WWOX: variants seen among roughly 807,000 people sequenced by gnomAD.
WWOX encodes WW domain-containing oxidoreductase.
WWOX carries 69 observed loss-of-function variants against 46.2 expected under a neutral mutation model. The ratio of observed to expected loss-of-function variants is 1.49; its 90% confidence interval spans 1.23 to 1.82. The LOEUF (loss-of-function observed/expected upper bound fraction) is 1.82, where lower values mean the gene tolerates loss of function less well. WWOX is among the 40% of genes most tolerant of loss of function. The pLI, the probability that WWOX is intolerant of heterozygous loss-of-function variation, is 0.00. For missense variants in WWOX, 919 were observed against 542.6 expected, an observed-to-expected ratio of 1.69 and a Z score of -6.89; for synonymous variants, 359 against 202.6, an observed-to-expected ratio of 1.77 and a Z score of -6.56.
At chr16:78,771,914 A>G (rs2050074287) in intron 8 of WWOX, among the ~76,000 whole-genome samples, 2 of 152,234 alleles carry the variant, frequency 1.3e-5, no homozygotes, top group African/African-American at 2.4e-5. Context: ...ACATTGTACT[A>G]CAATAAAAAC....
chr16:78,157,344 G>T (rs1246909213), intron 4 of WWOX, among the ~76,000 whole-genome samples: 3 of 152,094 alleles, frequency 2.0e-5, no homozygotes, highest in African/African-American at 7.2e-5. Context: ...ACAAAACCTG[G>T]CATTTTACTT....
At chr16:78,445,753 C>G (rs2083544035) in intron 8 of WWOX, among the ~76,000 whole-genome samples, 1 of 152,016 alleles carries the variant, frequency 6.6e-6, no homozygotes. Context: ...TGGAGCTTTC[C>G]TGTAGTCCCA....
intron 8 of WWOX, among the ~76,000 whole-genome samples, chr16:78,629,948 T>A (rs1312140106): frequency 3.3e-5 from 5 of 152,300 alleles, no homozygotes; most frequent in Admixed American, 2.0e-4. Context: ...CCAAACTCAG[T>A]TAATTTTCCC....
At chr16:79,080,145 G>T (rs756250685) in intron 8 of WWOX, among the ~76,000 whole-genome samples, 34 of 152,162 alleles carry the variant, frequency 2.2e-4, no homozygotes, top group Non-Finnish European at 3.8e-4. Context: ...GGGAGCCAAG[G>T]AGGAAGAGTG....
chr16:78,413,082 G>T (rs1213635806), intron 6 of WWOX, among the ~76,000 whole-genome samples: 1 of 152,186 alleles, frequency 6.6e-6, no homozygotes, highest in Non-Finnish European at 1.5e-5. Flanking sequence ...TTTCCTGCTA[G>T]CTGGACAGAG....
At chr16:78,408,928 G>C (rs1268068675) in intron 6 of WWOX, among the ~76,000 whole-genome samples, 4 of 149,046 alleles carry the variant, frequency 2.7e-5, no homozygotes, top group Non-Finnish European at 5.9e-5. Context: ...AAAGTACTGT[G>C]ATTTAAAATA....
chr16:79,003,447 C>G (rs1237629064), intron 8 of WWOX, among the ~76,000 whole-genome samples: 1 of 152,174 alleles, frequency 6.6e-6, no homozygotes, highest in Admixed American at 6.5e-5. Flanking sequence ...AGGTGTACCC[C>G]TCAATTTACT....
chr16:78,212,842 G>A (rs952449511), intron 5 of WWOX, among the ~76,000 whole-genome samples: 2 of 152,162 alleles, frequency 1.3e-5, no homozygotes, highest in African/African-American at 4.8e-5. Flanking sequence ...TCTCAGGCCA[G>A]CTGCACTGGA....
intron 4 of WWOX, among the ~76,000 whole-genome samples, chr16:78,136,040 T>C (rs2033779557): frequency 6.6e-6 from 1 of 152,196 alleles, no homozygotes; most frequent in African/African-American, 2.4e-5. Context: ...CCGATTTTCT[T>C]ATGGCTTTTT....
intron 5 of WWOX, among the ~76,000 whole-genome samples, chr16:78,177,681 T>C (rs2151749738): frequency 6.6e-6 from 1 of 152,264 alleles, no homozygotes; most frequent in South Asian, 2.1e-4. Flanking sequence ...GAGAATAGAC[T>C]TTATTCTCTA....
At chr16:78,922,301 G>T (rs549681833) in intron 8 of WWOX, among the ~76,000 whole-genome samples, 1 of 152,068 alleles carries the variant, frequency 6.6e-6, no homozygotes, top group African/African-American at 2.4e-5. Context: ...CACATTAAGA[G>T]TCTCCAGAGT....
intron 8 of WWOX, among the ~76,000 whole-genome samples, chr16:78,969,100 G>C (rs2046419652): frequency 6.6e-6 from 1 of 152,076 alleles, no homozygotes; most frequent in South Asian, 2.1e-4. Flanking sequence ...AATTGTGGGA[G>C]GGAGAAGCCA....
intron 8 of WWOX, among the ~76,000 whole-genome samples, chr16:78,857,370 G>A (rs961579776): frequency 6.6e-6 from 1 of 152,152 alleles, no homozygotes; most frequent in African/African-American, 2.4e-5. Context: ...CCATGTTGGT[G>A]AGCATGTAAG....
Position 78,454,696 on chromosome 16 carries a change from G to T in WWOX, c.1056+21944G>T, listed in dbSNP as rs141319907. On this transcript the variant is annotated intron_variant, in intron 8 of 8. Transcript: ENST00000566780. ...AATTTTTTTTTGTATTTTTAGCAAG[G>T]TTGTTGATCAGGCTGGTCTCGAACT... 5.7e-4 allele frequency among the ~76,000 whole-genome samples: 86 copies of T among 152,178 alleles called. No individual in the cohort carries two copies. The Middle Eastern group carries it at 0.01, about 18-fold the overall frequency.
chr16:78,445,093 C>G (rs1597095473), intron 8 of WWOX, among the ~76,000 whole-genome samples: 2 of 152,210 alleles, frequency 1.3e-5, no homozygotes, highest in Admixed American at 6.5e-5. Flanking sequence ...GAAATGCAGA[C>G]CTTTCTGGAC....
At position 78,254,205 on chromosome 16, in the gene WWOX, T is replaced by A. The variant is rs1220088089; in HGVS notation, c.516+89916T>A. 2.6e-5 allele frequency among the ~76,000 whole-genome samples: 4 copies of A among 151,530 alleles called. No homozygotes were observed. In the East Asian group the frequency reaches 7.9e-4, roughly 30 times the overall value. On this transcript the variant is annotated intron_variant, in intron 5 of 8. Coordinates refer to ENST00000566780, the MANE Select transcript of WWOX (RefSeq NM_016373.4). ...CCTGCCTGGTAGGTGGGACTACAGG[T>A]ATTCACCACCAAGCTCGGCTAAATT...
chr16:78,876,736 G>A (rs531994959), intron 8 of WWOX, among the ~76,000 whole-genome samples: 1 of 151,996 alleles, frequency 6.6e-6, no homozygotes, highest in Admixed American at 6.6e-5. Flanking sequence ...TTTTATCTCA[G>A]AAAATTAACT....
Position 78,746,937 on chromosome 16 carries a change from G to A in WWOX, c.1056+314185G>A, listed in dbSNP as rs77300803. On this transcript the variant is annotated intron_variant, in intron 8 of 8. Coordinates refer to ENST00000566780, the MANE Select transcript of WWOX (RefSeq NM_016373.4). ...GAATACACCACTCCCCATCCCTAGT[G>A]GCTTCCTATACCATTTAGAATAAAA... Among the ~76,000 whole-genome samples, 1,380 of 152,100 alleles carry A rather than the reference G, an allele frequency of 9.1e-3. 23 individuals are homozygous for A. Among genetic ancestry groups the A allele is most frequent in the African/African-American group, 0.032 (1,321 of 41,500 alleles).
At chr16:78,232,329 T>TATTTATCCTGC (rs1472332331) in intron 5 of WWOX, among the ~76,000 whole-genome samples, 1 of 152,200 alleles carries the variant, frequency 6.6e-6, no homozygotes, top group African/African-American at 2.4e-5. Flanking sequence ...TACGTGATCT[T>TATTTATCCTGC]ATTTATCCTG....
Sources: gnomAD v4.1 joint callset for allele counts (sites outside exome capture counted in the v4.1 genomes callset) on GRCh38, gnomAD v4.1.1 for gene constraint, MANE v1.5 for transcripts, NCBI Gene and HGNC (gene_info 2026-07-23, HGNC 2026-07-21) for gene names.